Variants in AHRR observed in about 807,000 individuals in gnomAD.
AHRR encodes ahR repressor.
In AHRR, 28 loss-of-function variants were observed where a neutral mutation model predicts 44.0. The observed-to-expected ratio is 0.64, with a 90% confidence interval of 0.47 to 0.87. The LOEUF (loss-of-function observed/expected upper bound fraction) is 0.87, where lower values mean the gene tolerates loss of function less well. Among genes scored for constraint, AHRR ranks in the 40% least tolerant of loss-of-function variants. AHRR has a pLI of 0.00. For synonymous variants in AHRR, 434 were observed against 407.0 expected (o/e 1.07, Z -0.80); for missense variants, 990 against 953.9 (o/e 1.04, Z -0.50).
chr5:407,058 C>T (rs960350682), intron 4 of AHRR, among the ~76,000 whole-genome samples: 8 of 152,156 alleles, frequency 5.3e-5, no homozygotes, highest in South Asian at 2.1e-4. Flanking sequence ...TCTGTTCATG[C>T]GCCATGATTT....
intron 4 of AHRR, among the ~76,000 whole-genome samples, chr5:389,463 C>A (rs970485141): frequency 6.6e-6 from 1 of 152,210 alleles, no homozygotes; most frequent in South Asian, 2.1e-4. Context: ...CCACGTGCTG[C>A]GTAGCCGGAA....
chr5:426,480 A>G (rs186164629), intron 7 of AHRR, among the ~76,000 whole-genome samples: 2 of 151,246 alleles, frequency 1.3e-5, no homozygotes, highest in African/African-American at 4.9e-5. Context: ...GGTTGGATAG[A>G]TGGGAAGATG....
intron 1 of AHRR, among the ~76,000 whole-genome samples, chr5:324,045 T>C (rs367721534): frequency 6.5e-5 from 8 of 123,366 alleles, no homozygotes; most frequent in Admixed American, 3.1e-4. Flanking sequence ...CTGTCTCTCT[T>C]TCTCTCTCTC....
chr5:393,450 G>C (rs954259958), intron 4 of AHRR, among the ~76,000 whole-genome samples: 2 of 152,206 alleles, frequency 1.3e-5, no homozygotes, highest in African/African-American at 4.8e-5. Flanking sequence ...TCCACGAGTG[G>C]GAGAACACTG....
At position 326,209 on chromosome 5, in the gene AHRR, C is replaced by A. The variant is rs1741706088; in HGVS notation, c.-11+4390C>A. On this transcript the variant is annotated intron_variant, in intron 1 of 10. Coordinates refer to ENST00000684583, the MANE Select transcript of AHRR (RefSeq NM_001377236.1). The surrounding 1 kb of genome is among the most constrained non-coding windows in gnomAD (Gnocchi z 4.1). ...CCACTGCCTCTCTCTAGCTCCAAAA[C>A]CTCTTCATCGCCTCCGGCAGTGCTC... Among the ~76,000 whole-genome samples the A allele has an allele frequency of 6.6e-6, 1 of 152,240 alleles. No individual in the cohort carries two copies. Among genetic ancestry groups the A allele is most frequent in the African/African-American group, 2.4e-5 (1 of 41,454 alleles).
intron 1 of AHRR, among the ~76,000 whole-genome samples, chr5:329,880 G>T (rs1452779668): frequency 6.6e-6 from 1 of 151,974 alleles, no homozygotes; most frequent in South Asian, 2.1e-4. Context: ...GAATCTTTAG[G>T]TTTTTTTAGA....
intron 4 of AHRR, among the ~76,000 whole-genome samples, chr5:385,068 C>T (rs2458892): frequency 1.3e-5 from 2 of 152,160 alleles, no homozygotes; most frequent in Non-Finnish European, 2.9e-5. Flanking sequence ...TGCTTGTACC[C>T]GGGAGGTGGA....
chr5:329,718 T>A lies in AHRR; in HGVS notation c.-11+7899T>A, dbSNP rs146849001. 1.4e-4 allele frequency among the ~76,000 whole-genome samples: 22 copies of A among 152,360 alleles called. No homozygotes were observed. The East Asian group carries it at 4.2e-3, about 29-fold the overall frequency. On this transcript the variant is annotated intron_variant, in intron 1 of 10. Coordinates refer to ENST00000684583, the MANE Select transcript of AHRR (RefSeq NM_001377236.1). ...TGTAGAGTTTTATTCTCAGGTATTT[T>A]TTAATGGTTATTGTAAATGAGATTG... is the stretch of plus-strand genomic sequence containing the variant.
chr5:437,397 A>T lies in AHRR; in HGVS notation c.*2563A>T, dbSNP rs1737132393. On this transcript the variant is annotated 3_prime_UTR_variant, in exon 11 of 11. Transcript: ENST00000684583. Reference sequence around the variant, plus strand: ...CGGGGCCGAGGAGGGCAGGGAGCTCAGTGACTGAGAGTCTTGTGTATCACA... The same window carrying T: ...CGGGGCCGAGGAGGGCAGGGAGCTCTGTGACTGAGAGTCTTGTGTATCACA... The T allele has an allele frequency of 6.6e-6, 1 of 152,374 alleles. No homozygotes were observed. Among genetic ancestry groups the T allele is most frequent in the African/African-American group, 2.4e-5 (1 of 41,478 alleles). The allele number at this position is 152,374 out of a possible 1,614,324, so 9.4% of individuals were successfully genotyped here.
chr5:384,324 A>G (rs912046613), intron 4 of AHRR, among the ~76,000 whole-genome samples: 7 of 152,198 alleles, frequency 4.6e-5, no homozygotes, highest in Non-Finnish European at 8.8e-5. Flanking sequence ...AAATTTTACT[A>G]CTTCAAGTAA....
At chr5:420,037 C>T (rs943189818) in intron 5 of AHRR, among the ~76,000 whole-genome samples, 2 of 152,194 alleles carry the variant, frequency 1.3e-5, no homozygotes, top group African/African-American at 4.8e-5. Context: ...AGCCTGGAGA[C>T]CCTTTGGAAA....
chr5:434,054 G>T lies in AHRR; in HGVS notation c.1314G>T (p.Pro438=). Residue 438 remains proline (P), a synonymous_variant, in exon 11 of 11, where the codon CCG becomes CCT. Transcript: ENST00000684583. Reference sequence around the variant, plus strand: ...CCCGCGGCTCCTGCCTGCCCTGCCCGTGTGTCCAGGGCACTTTCAGGAACT... The same window carrying T: ...CCCGCGGCTCCTGCCTGCCCTGCCCTTGTGTCCAGGGCACTTTCAGGAACT... ...PMPRGSCLPC[P]CVQGTFRNSP... 1 of 1,612,186 alleles carries T rather than the reference G, an allele frequency of 6.2e-7. No individual in the cohort carries two copies. The highest frequency in any genetic ancestry group is 8.5e-7 in the Non-Finnish European group (1 of 1,179,660).
At chr5:433,267 G>C (rs189426997) in intron 10 of AHRR, among the ~76,000 whole-genome samples, 2 of 152,186 alleles carry the variant, frequency 1.3e-5, no homozygotes, top group Non-Finnish European at 2.9e-5. Context: ...ACCTCATCTT[G>C]CCTTTGCTCA....
chr5:412,987 G>A (rs1364085008), intron 4 of AHRR, among the ~76,000 whole-genome samples: 1 of 152,110 alleles, frequency 6.6e-6, no homozygotes, highest in Non-Finnish European at 1.5e-5. Flanking sequence ...AAAGCCAAAG[G>A]ATATCCCAGA....
At chr5:355,910 T>C (rs968103369) in intron 3 of AHRR, among the ~76,000 whole-genome samples, 4 of 152,268 alleles carry the variant, frequency 2.6e-5, no homozygotes, top group Non-Finnish European at 4.4e-5. Context: ...CTTCAGGCTG[T>C]ACATTTTAGA....
chr5:427,964 G>T lies in AHRR; in HGVS notation c.866G>T (p.Arg289Met), dbSNP rs1736541437. The change falls in exon 8 of 11, where the codon AGG becomes ATG. Residue 289 changes from arginine (R) to methionine (M), a missense_variant. Coordinates refer to ENST00000684583, the MANE Select transcript of AHRR (RefSeq NM_001377236.1). Reference sequence around the variant, plus strand: ...ATGAAAATGAGGAGCGCGCTCCTGAGGGCAAAACCCAGAGCAGACACCGCA... The same window carrying T: ...ATGAAAATGAGGAGCGCGCTCCTGATGGCAAAACCCAGAGCAGACACCGCA... ...AEMKMRSALL[R>M]AKPRADTAAT... 2.5e-6 allele frequency: 4 copies of T among 1,614,002 alleles called. No homozygotes were observed. The highest frequency in any genetic ancestry group is 3.4e-6 in the Non-Finnish European group (4 of 1,180,018).
intron 1 of AHRR, among the ~76,000 whole-genome samples, chr5:328,964 C>G (rs896053720): frequency 6.6e-6 from 1 of 152,042 alleles, no homozygotes; most frequent in Non-Finnish European, 1.5e-5. Flanking sequence ...GTGTCCCCAC[C>G]CAAATCTCAT....
intron 3 of AHRR, among the ~76,000 whole-genome samples, chr5:369,950 A>C (rs962560522): frequency 1.3e-5 from 2 of 152,252 alleles, no homozygotes; most frequent in Non-Finnish European, 2.9e-5. Flanking sequence ...TAAAACTTGC[A>C]AAGGCATTTG....
chr5:354,962 CTG>C (rs1346333140), intron 3 of AHRR, among the ~76,000 whole-genome samples: 3 of 152,258 alleles, frequency 2.0e-5, no homozygotes, highest in Non-Finnish European at 4.4e-5. Context: ...CGGCCCCACA[CTG>C]AGGGTCTTCC....
Sources: gnomAD v4.1 joint callset for allele counts (sites outside exome capture counted in the v4.1 genomes callset) on GRCh38, gnomAD v4.1.1 for gene constraint, Gnocchi (gnomAD v3.1) non-coding constraint, MANE v1.5 for transcripts, NCBI Gene and HGNC (gene_info 2026-07-23, HGNC 2026-07-21) for gene names.